Variants in CEMIP observed in about 807,000 individuals in gnomAD.
The protein encoded by CEMIP is cell migration inducing hyaluronidase 1.
A neutral mutation model predicts 156.9 loss-of-function variants in CEMIP; 105 were observed. The observed-to-expected ratio is 0.67, with a 90% CI of 0.57 to 0.79. The LOEUF is 0.79. Ranked by LOEUF, CEMIP falls within the 30% of genes least tolerant of loss-of-function variation. The pLI is 0.00. For missense variants in CEMIP, 1,457 were observed against 1,769.4 expected (o/e 0.82, Z 3.17); for synonymous variants, 676 against 668.4 (o/e 1.01, Z -0.17).
chr15:80,885,081 C>T (rs1898790717), intron 7 of CEMIP, among the ~76,000 whole-genome samples: 4 of 152,150 alleles, frequency 2.6e-5, no homozygotes. Flanking sequence ...CTGCCCCTCG[C>T]CCCTGCCAAG....
At chr15:80,808,951 C>T (rs1301548307) in intron 1 of CEMIP, among the ~76,000 whole-genome samples, 1 of 152,064 alleles carries the variant, frequency 6.6e-6, no homozygotes, top group African/African-American at 2.4e-5. Flanking sequence ...GAAAGAAATG[C>T]CAGTGATTGG....
intron 4 of CEMIP, among the ~76,000 whole-genome samples, chr15:80,879,194 T>C (rs753688203): frequency 4.6e-5 from 7 of 152,240 alleles, no homozygotes; most frequent in African/African-American, 7.2e-5. Context: ...TATTTACACA[T>C]TGCAAAGCAG....
intron 1 of CEMIP, among the ~76,000 whole-genome samples, chr15:80,817,290 T>C (rs982758295): frequency 6.6e-6 from 1 of 152,118 alleles, no homozygotes; most frequent in Non-Finnish European, 1.5e-5. Context: ...AGGATTTGCA[T>C]AAATGATGTG....
At chr15:80,846,093 G>A (rs1326317902) in intron 1 of CEMIP, among the ~76,000 whole-genome samples, 1 of 152,088 alleles carries the variant, frequency 6.6e-6, no homozygotes, top group Non-Finnish European at 1.5e-5. Context: ...AGACCATTTT[G>A]CTTTGGGCCA....
At chr15:80,779,834 G>A (rs1895744340) in intron 1 of CEMIP, among the ~76,000 whole-genome samples, 1 of 152,238 alleles carries the variant, frequency 6.6e-6, no homozygotes, top group Non-Finnish European at 1.5e-5. Flanking sequence ...GTCCTCTGTG[G>A]GATTTCTCTG....
chr15:80,810,146 T>C (rs368128756), intron 1 of CEMIP, among the ~76,000 whole-genome samples: 2 of 152,192 alleles, frequency 1.3e-5, no homozygotes, highest in Middle Eastern at 3.2e-3. Context: ...AATTGATACA[T>C]TGATTTTTTT....
chr15:80,928,874 C>A (rs1482072100), intron 19 of CEMIP, 28 bp from the exon 20 acceptor site: 19 of 1,612,972 alleles, frequency 1.2e-5, no homozygotes, highest in Non-Finnish European at 1.4e-5. Flanking sequence ...AGGGCATGCT[C>A]TGACTATCTA....
chr15:80,875,438 T>C (rs8025378), intron 3 of CEMIP, among the ~76,000 whole-genome samples: 44,886 of 151,966 alleles, frequency 0.3, 7,118 homozygotes, highest in East Asian at 0.59. Flanking sequence ...AAAGCGAGCA[T>C]TGACTCTGCC....
In CEMIP at chr15:80,925,650, C is replaced by A. The variant is rs142421861; in HGVS notation, c.2315C>A (p.Pro772Gln). 1 of 1,613,428 alleles carries A rather than the reference C, an allele frequency of 6.2e-7. No homozygotes were observed. Reference sequence around the variant, plus strand: ...TACAGCCCTCACCAGGACGCCGACCCGCTGAAGCCCCGGGAGCCGGCCATC... The same window carrying A: ...TACAGCCCTCACCAGGACGCCGACCAGCTGAAGCCCCGGGAGCCGGCCATC... ...ARYSPHQDAD[P>Q]LKPREPAIIR... The change falls in exon 19 of 30, where the codon CCG (proline) becomes CAG (glutamine). Residue 772 changes from proline to glutamine, a missense_variant. Around this residue, in one of 5 missense-constraint regions of CEMIP, gnomAD observed 798 missense variants for 980.1 expected, o/e 0.81. Transcript: ENST00000394685.
Position 80,949,071 on chromosome 15 carries a change from T to C in CEMIP, c.*147T>C, listed in dbSNP as rs1901699224. 13 of 1,079,158 alleles carry C rather than the reference T, an allele frequency of 1.2e-5. No individual in the cohort carries two copies. In the South Asian group the frequency reaches 1.5e-4, roughly 13 times the overall value. The allele number at this position is 1,079,158 out of a possible 1,614,324, so 66.8% of individuals were successfully genotyped here. On this transcript the variant is annotated 3_prime_UTR_variant, in exon 30 of 30. Coordinates refer to ENST00000394685, the MANE Select transcript of CEMIP (RefSeq NM_001293298.2). ...CAGCCCTGATGGGCCAAGGGAAGGCTATCAGAGACCCTGGTGCTGCCACCT... is the reference window on the plus strand; with the variant it reads ...CAGCCCTGATGGGCCAAGGGAAGGCCATCAGAGACCCTGGTGCTGCCACCT...
rs1213487837 is a variant in CEMIP at position 80,924,674 on chromosome 15, C to A, written c.2256C>A (p.Asp752Glu). ...AAACCACCGAGGCCTCTGCCAAGGA[C>A]AAGCGGCCGTTCCTCTCAATCATCT... ...GVKTTEASAK[D>E]KRPFLSIISA... The change falls in exon 18 of 30, where the codon GAC (aspartate) becomes GAA (glutamate). Residue 752 changes from aspartate to glutamate, a missense_variant. By Grantham distance (45) the Asp-to-Glu change is conservative (BLOSUM62 2). Transcript: ENST00000394685. 6.2e-7 allele frequency: 1 copy of A among 1,614,200 alleles called. No homozygotes were observed. Among genetic ancestry groups the A allele is most frequent in the South Asian group, 1.1e-5 (1 of 91,068 alleles).
intron 1 of CEMIP, among the ~76,000 whole-genome samples, chr15:80,790,864 G>A (rs947945334): frequency 1.3e-5 from 2 of 152,146 alleles, no homozygotes; most frequent in Non-Finnish European, 2.9e-5. Context: ...CAATGGAAAA[G>A]CTCACAGTTT....
intron 10 of CEMIP, among the ~76,000 whole-genome samples, chr15:80,890,358 C>A (rs936911920): frequency 5.3e-5 from 8 of 150,902 alleles, no homozygotes; most frequent in African/African-American, 2.0e-4. Context: ...GTGGGCAGAT[C>A]ACTTGAGGTC....
intron 24 of CEMIP, 41 bp downstream of exon 24, chr15:80,936,926 A>G (rs898806330): frequency 1.9e-6 from 3 of 1,582,330 alleles, no homozygotes; most frequent in South Asian, 1.1e-5. Flanking sequence ...CTCAAAGCTG[A>G]TAACGATGCC....
chr15:80,799,840 G>T (rs1896330834), intron 1 of CEMIP, among the ~76,000 whole-genome samples: 1 of 152,062 alleles, frequency 6.6e-6, no homozygotes, highest in African/African-American at 2.4e-5. Context: ...ATTTTGTAAA[G>T]AAATTTATTA....
chr15:80,808,415 AC>A (rs1237230903), intron 1 of CEMIP, among the ~76,000 whole-genome samples: 2 of 152,060 alleles, frequency 1.3e-5, no homozygotes, highest in African/African-American at 2.4e-5. Flanking sequence ...GGCATCAACC[AC>A]CCTCCATCCT....
intron 1 of CEMIP, among the ~76,000 whole-genome samples, chr15:80,835,329 C>T (rs1297611955): frequency 6.6e-6 from 1 of 152,188 alleles, no homozygotes; most frequent in African/African-American, 2.4e-5. Context: ...GAATGTAGTA[C>T]CATCGCTGAG....
rs368465953 is a variant in CEMIP at position 80,786,314 on chromosome 15, G to A, written c.-176+6700G>A. ...AGCAGTGGCATGAACACAGTTCCCT[G>A]CAGCCCCAACCTCCTAGGCTCAGGT... is the stretch of plus-strand genomic sequence containing the variant. On this transcript the variant is annotated intron_variant, in intron 1 of 29. Coordinates refer to ENST00000394685, the MANE Select transcript of CEMIP (RefSeq NM_001293298.2). Among the ~76,000 whole-genome samples, 199 of 152,278 alleles carry A rather than the reference G, an allele frequency of 1.3e-3. 4 individuals are homozygous for A. The South Asian group carries it at 0.039, about 30-fold the overall frequency.
chr15:80,846,464 GTCAGAGGCC>G (rs1170747022), intron 1 of CEMIP, among the ~76,000 whole-genome samples: 9 of 152,202 alleles, frequency 5.9e-5, no homozygotes, highest in Admixed American at 3.9e-4. Flanking sequence ...ATCGTTGTAG[GTCAGAGGCC>G]TCTGGAGCAG....
Sources: allele counts gnomAD v4.1 joint callset (sites outside exome capture counted in the v4.1 genomes callset), GRCh38; gene constraint gnomAD v4.1.1; regional missense constraint gnomAD v4.1.1; transcripts MANE v1.5; gene names NCBI Gene and HGNC (gene_info 2026-07-23, HGNC 2026-07-21).